SDK2: variants seen among roughly 807,000 people sequenced by gnomAD.
SDK2 encodes the protein protein sidekick-2.
In SDK2, 105 loss-of-function variants were observed where a neutral mutation model predicts 253.9. The observed-to-expected ratio is 0.41, with a 90% CI of 0.35 to 0.49. The LOEUF (loss-of-function observed/expected upper bound fraction) is 0.49. SDK2 is among the 20% of genes least tolerant of loss of function. SDK2 has a pLI of 0.06. For synonymous variants in SDK2, 1,249 were observed against 1,234.9 expected (o/e 1.01, Z -0.24); for missense variants, 2,608 against 3,003.0 (o/e 0.87, Z 3.07).
At chr17:73,405,108 G>A (rs2063060200) in intron 18 of SDK2, among the ~76,000 whole-genome samples, 2 of 86,100 alleles carry the variant, frequency 2.3e-5, no homozygotes, top group South Asian at 8.3e-4. Flanking sequence ...AGGGTTGAAG[G>A]TGTAGGATGA....
intron 1 of SDK2, among the ~76,000 whole-genome samples, chr17:73,531,303 C>T (rs1009179840): frequency 6.6e-6 from 1 of 152,118 alleles, no homozygotes; most frequent in African/African-American, 2.4e-5. Flanking sequence ...TGTAGAGGTA[C>T]CGTAATTTTC....
At chr17:73,509,486 G>A (rs2063961143) in intron 1 of SDK2, among the ~76,000 whole-genome samples, 1 of 151,992 alleles carries the variant, frequency 6.6e-6, no homozygotes, top group African/African-American at 2.4e-5. Flanking sequence ...CCTTCTTTTG[G>A]CTTAAGAAAT....
intron 1 of SDK2, among the ~76,000 whole-genome samples, chr17:73,545,263 C>T (rs367872490): frequency 8.5e-5 from 13 of 152,228 alleles, no homozygotes; most frequent in African/African-American, 2.2e-4. Flanking sequence ...CGCTCAACCC[C>T]GCCCTGCTTC....
rs117136830 is a variant in SDK2, at chr17:73,563,331, T to C, written c.65-55734A>G. Among the ~76,000 whole-genome samples the C allele has an allele frequency of 1.1e-3, 161 of 152,320 alleles. 1 individual carries two copies. In the East Asian group the frequency reaches 0.021, roughly 20 times the overall value. On this transcript the variant is annotated intron_variant, in intron 1 of 44. Coordinates refer to ENST00000392650, the MANE Select transcript of SDK2 (RefSeq NM_001144952.2). ...ACTTACACCTGTCATCCCAACACTT[T>C]GGGAGGCGGGGGCAGGAGAATCGCT...
chr17:73,629,830 T>C lies in SDK2; in HGVS notation c.64+14195A>G, dbSNP rs1254363392. ...AGCAAAAGAGGTTCATGGTTTTGGT[T>C]ATCCATTGGCTCATGGGGGTTACTT... On this transcript the variant is annotated intron_variant, in intron 1 of 44. Coordinates refer to ENST00000392650, the MANE Select transcript of SDK2 (RefSeq NM_001144952.2). The surrounding 1 kb of genome is among the most constrained non-coding windows in gnomAD (Gnocchi z 5.0). Among the ~76,000 whole-genome samples, 1 of 152,164 alleles carries C rather than the reference T, an allele frequency of 6.6e-6. No individual in the cohort carries two copies.
At chr17:73,579,831 G>T (rs1255435479) in intron 1 of SDK2, among the ~76,000 whole-genome samples, 2 of 151,494 alleles carry the variant, frequency 1.3e-5, no homozygotes, top group African/African-American at 4.9e-5. Flanking sequence ...ACAAAAATTA[G>T]CTGGGGGTTG....
At chr17:73,637,009 G>A (rs999438407) in intron 1 of SDK2, among the ~76,000 whole-genome samples, 2 of 152,144 alleles carry the variant, frequency 1.3e-5, no homozygotes, top group African/African-American at 4.8e-5. Flanking sequence ...GCCACAGATA[G>A]CAGCTGACAG....
At chr17:73,513,557 C>A (rs1389084575) in intron 1 of SDK2, 1 of 152,176 alleles carries the variant, frequency 6.6e-6, no homozygotes, top group African/African-American at 2.4e-5. Flanking sequence ...GCTATCAAAG[C>A]TAAAAATGCA....
At chr17:73,359,254 G>A (rs2062620362) in intron 39 of SDK2, among the ~76,000 whole-genome samples, 1 of 152,090 alleles carries the variant, frequency 6.6e-6, no homozygotes, top group Admixed American at 6.5e-5. Context: ...GCCCTGGAGG[G>A]CCAGCAGGCC....
intron 17 of SDK2, 134 bp from the exon 18 acceptor site, chr17:73,414,893 C>T: frequency 1.6e-6 from 1 of 620,408 alleles, no homozygotes; most frequent in East Asian, 2.8e-5. Flanking sequence ...CAACTCCTCC[C>T]TCGCTGTGTA....
intron 21 of SDK2, among the ~76,000 whole-genome samples, chr17:73,400,811 AG>A (rs1206508632): frequency 2.0e-5 from 3 of 151,902 alleles, no homozygotes; most frequent in Admixed American, 1.3e-4. Context: ...GCACCACCAC[AG>A]CTGGCTAATT....
chr17:73,397,943 A>G, intron 24 of SDK2, 92 bp downstream of exon 24: 1 of 1,368,374 alleles, frequency 7.3e-7, no homozygotes, highest in Non-Finnish European at 1.0e-6. Context: ...GAGAGGAGAA[A>G]GGAGCTGTAG....
In SDK2 at chr17:73,395,517, A is replaced by T. The variant is rs2062964233; in HGVS notation, c.3355-125T>A. 1.4e-6 allele frequency: 1 copy of T among 693,690 alleles called. No individual in the cohort carries two copies. The highest frequency in any genetic ancestry group is 1.8e-5 in the African/African-American group (1 of 56,498). 43.0% of individuals were successfully genotyped at this position (693,690 alleles called of 1,614,324 possible). A position where few individuals can be genotyped will look rare whatever the true frequency, so the allele number is the denominator to read the frequency against. On this transcript the variant is annotated intron_variant, in intron 24 of 44. Coordinates refer to ENST00000392650, the MANE Select transcript of SDK2 (RefSeq NM_001144952.2). The surrounding 1 kb of genome is among the most constrained non-coding windows in gnomAD (Gnocchi z 4.3). Reference sequence around the variant, plus strand: ...CTATCCATCCCACTGTCACCCGGTCAGTGTCCACATGAGGCTCTCTCACCC... The same window carrying T: ...CTATCCATCCCACTGTCACCCGGTCTGTGTCCACATGAGGCTCTCTCACCC...
rs181711289 is a variant in SDK2 at position 73,599,039 on chromosome 17, T to C, written c.64+44986A>G. Among the ~76,000 whole-genome samples, 3 of 152,238 alleles carry C rather than the reference T, an allele frequency of 2.0e-5. No individual in the cohort carries two copies. In the East Asian group the frequency reaches 5.8e-4, roughly 29 times the overall value. On this transcript the variant is annotated intron_variant, in intron 1 of 44. Coordinates refer to ENST00000392650, the MANE Select transcript of SDK2 (RefSeq NM_001144952.2). ...TTCCGGGTAAGGAGCGAGTGGAAAA[T>C]GTAGCATCCCCCTAGAAAGAGTTAC... is the stretch of plus-strand genomic sequence containing the variant.
intron 1 of SDK2, among the ~76,000 whole-genome samples, chr17:73,619,017 A>ATTT (rs2046094725): frequency 6.6e-6 from 1 of 152,084 alleles, no homozygotes; most frequent in South Asian, 2.1e-4. Context: ...AAATACAAAA[A>ATTT]TTAGCTGAGT....
intron 37 of SDK2, among the ~76,000 whole-genome samples, chr17:73,366,017 G>C (rs9899809): frequency 0.12 from 18,998 of 152,138 alleles, 2,243 homozygotes; most frequent in African/African-American, 0.28. Context: ...GGGCTCCCCT[G>C]ATGGGGAGGA....
intron 1 of SDK2, among the ~76,000 whole-genome samples, chr17:73,632,197 A>G (rs1285597596): frequency 6.6e-6 from 1 of 152,208 alleles, no homozygotes; most frequent in Non-Finnish European, 1.5e-5. Flanking sequence ...GATGCAAAGT[A>G]TGGTTCTTGG....
chr17:73,388,031 G>A lies in SDK2; in HGVS notation c.4199C>T (p.Pro1400Leu). The A allele has an allele frequency of 6.4e-6, 10 of 1,564,364 alleles. No homozygotes were observed. Among genetic ancestry groups the A allele is most frequent in the South Asian group, 1.2e-5 (1 of 84,968 alleles). The part of the protein sequence containing the change: ...LVVTTEKRDR[P>L]QPPSRPMVQQ... ...CACCATCGGCCTGCTGGGGGGCTGC[G>A]GACGGTCTGGGAGGTGGCAGAGGGG... The change falls in exon 30 of 45, where the codon CCG (proline) becomes CTG (leucine). Residue 1400 changes from proline (P) to leucine (L), a missense_variant. Physicochemically the swap from Pro to Leu is moderately conservative, Grantham distance 98 (BLOSUM62 -3). Coordinates refer to ENST00000392650, the MANE Select transcript of SDK2 (RefSeq NM_001144952.2).
intron 32 of SDK2, among the ~76,000 whole-genome samples, chr17:73,384,920 G>GC (rs2062860036): frequency 6.6e-6 from 1 of 152,174 alleles, no homozygotes; most frequent in Non-Finnish European, 1.5e-5. Context: ...GCACCTCCCT[G>GC]CCCCCTCCCT....
Sources: gnomAD v4.1 joint callset for allele counts (sites outside exome capture counted in the v4.1 genomes callset) on GRCh38, gnomAD v4.1.1 for gene constraint, Gnocchi (gnomAD v3.1) non-coding constraint, MANE v1.5 for transcripts, NCBI Gene and HGNC (gene_info 2026-07-23, HGNC 2026-07-21) for gene names.